NCALD: variants seen among roughly 807,000 people sequenced by gnomAD.
The protein encoded by NCALD is neurocalcin-delta.
Under a neutral mutation model 18.6 loss-of-function variants are expected in NCALD, and 10 were observed. The ratio of observed to expected loss-of-function variants is 0.54; its 90% CI spans 0.33 to 0.91. The LOEUF (loss-of-function observed/expected upper bound fraction) is 0.91. Among genes scored for constraint, NCALD ranks in the 40% least tolerant of loss-of-function variants. The pLI is 0.03. For synonymous variants in NCALD, 88 were observed against 87.4 expected (o/e 1.01, Z -0.04); for missense variants, 184 against 247.6 (o/e 0.74, Z 1.72).
intron 2 of NCALD, among the ~76,000 whole-genome samples, chr8:101,708,908 G>C (rs905516077): frequency 1.3e-5 from 2 of 152,142 alleles, no homozygotes; most frequent in South Asian, 4.1e-4. Flanking sequence ...CAAGGAGATG[G>C]GAAATAAGGA....
At chr8:101,744,479 T>C (rs763792904) in intron 1 of NCALD, among the ~76,000 whole-genome samples, 8 of 152,264 alleles carry the variant, frequency 5.3e-5, no homozygotes, top group Non-Finnish European at 7.3e-5. Context: ...TCTCCATCTC[T>C]AGCAAGACAC....
At chr8:101,779,515 T>C (rs1042546244) in intron 1 of NCALD, among the ~76,000 whole-genome samples, 4 of 152,224 alleles carry the variant, frequency 2.6e-5, no homozygotes, top group African/African-American at 9.6e-5. Flanking sequence ...AAATGTAGTA[T>C]GTGTTTAAAC....
chr8:102,120,897 T>C (rs1335335617), intron 1 of NCALD, among the ~76,000 whole-genome samples: 1 of 152,246 alleles, frequency 6.6e-6, no homozygotes, highest in African/African-American at 2.4e-5. Context: ...TTTTAACTCA[T>C]GTGCTCTATC....
intron 4 of NCALD, among the ~76,000 whole-genome samples, chr8:101,836,496 TG>T (rs531760414): frequency 7.1e-4 from 108 of 152,300 alleles, no homozygotes; most frequent in African/African-American, 2.5e-3. Context: ...CTGGGGACTC[TG>T]GGGGATCCCT....
At chr8:102,076,921 C>T (rs1400153146) in intron 1 of NCALD, among the ~76,000 whole-genome samples, 2 of 152,160 alleles carry the variant, frequency 1.3e-5, no homozygotes, top group Non-Finnish European at 1.5e-5. Flanking sequence ...GTGGCCCACC[C>T]GTGACTCACA....
chr8:101,701,025 C>T (rs1039213985), intron 2 of NCALD, among the ~76,000 whole-genome samples: 1 of 152,136 alleles, frequency 6.6e-6, no homozygotes, highest in African/African-American at 2.4e-5. Flanking sequence ...ATTTACAAAG[C>T]CAGGCCTATG....
chr8:102,038,151 A>G (rs1369091067), intron 1 of NCALD, among the ~76,000 whole-genome samples: 4 of 151,882 alleles, frequency 2.6e-5, no homozygotes, highest in African/African-American at 9.7e-5. Flanking sequence ...TTGCCTTACT[A>G]TACCAAATTG....
intron 2 of NCALD, among the ~76,000 whole-genome samples, chr8:102,004,606 G>A (rs1470385633): frequency 2.0e-5 from 3 of 152,138 alleles, no homozygotes; most frequent in Admixed American, 1.3e-4. Context: ...AGCTGGAGGT[G>A]TCACACTACC....
At chr8:101,900,226 A>T (rs1210072721) in intron 3 of NCALD, among the ~76,000 whole-genome samples, 1 of 151,834 alleles carries the variant, frequency 6.6e-6, no homozygotes, top group Non-Finnish European at 1.5e-5. Context: ...AATTCCAGAT[A>T]TTGGCAATAT....
chr8:101,711,149 A>G (rs1308856416), intron 2 of NCALD, among the ~76,000 whole-genome samples: 1 of 152,066 alleles, frequency 6.6e-6, no homozygotes, highest in Non-Finnish European at 1.5e-5. Flanking sequence ...CCCCCAGCAA[A>G]CTCCAGCAGA....
At chr8:101,940,812 A>G (rs1744406167) in intron 2 of NCALD, among the ~76,000 whole-genome samples, 1 of 152,244 alleles carries the variant, frequency 6.6e-6, no homozygotes, top group Non-Finnish European at 1.5e-5. Flanking sequence ...TTTCTAAGCT[A>G]AAGGTGCATC....
intron 3 of NCALD, among the ~76,000 whole-genome samples, chr8:101,911,222 CTTA>C (rs761516860): frequency 6.7e-5 from 10 of 148,156 alleles, no homozygotes; most frequent in Non-Finnish European, 1.2e-4. Flanking sequence ...CAGCCTAAGG[CTTA>C]TTGTGAATGA....
chr8:101,710,406 C>T (rs557941566), intron 2 of NCALD, among the ~76,000 whole-genome samples: 2 of 152,236 alleles, frequency 1.3e-5, no homozygotes, highest in African/African-American at 2.4e-5. Flanking sequence ...GGAACACCAG[C>T]GAGGCAGAGC....
chr8:102,081,983 A>G (rs1191209669), intron 1 of NCALD, among the ~76,000 whole-genome samples: 1 of 152,176 alleles, frequency 6.6e-6, no homozygotes, highest in African/African-American at 2.4e-5. Context: ...TGAAAAGAGC[A>G]GAGTTGAGTG....
At chr8:101,700,333 C>T (rs191374629) in intron 2 of NCALD, among the ~76,000 whole-genome samples, 4 of 152,300 alleles carry the variant, frequency 2.6e-5, no homozygotes, top group East Asian at 1.9e-4. Context: ...GAAATACAGG[C>T]GTGAGCCACT....
intron 4 of NCALD, chr8:101,887,085 T>G (rs1316604040): frequency 6.6e-6 from 1 of 152,166 alleles, no homozygotes; most frequent in African/African-American, 2.4e-5. Context: ...AGCTTTGCAT[T>G]TTGAATCGTA....
At chr8:101,974,423 G>C (rs1038282037) in intron 2 of NCALD, among the ~76,000 whole-genome samples, 6 of 152,104 alleles carry the variant, frequency 3.9e-5, no homozygotes, top group Middle Eastern at 3.4e-3. Context: ...CCTTCTATGT[G>C]GAAATTCTGG....
rs561580036 is a variant in NCALD, at chr8:101,935,492, G to A, written c.-156-19634C>T. On this transcript the variant is annotated intron_variant, in intron 2 of 6. Coordinates refer to the NCALD transcript ENST00000311028. ...TACAGTTTACAACAGAAAGCAAATG[G>A]TTAAAATGGTAAAGGCAAATAAAGA... Among the ~76,000 whole-genome samples the A allele has an allele frequency of 2.6e-5, 4 of 152,278 alleles. No homozygotes were observed. The East Asian group carries it at 7.7e-4, about 29-fold the overall frequency.
intron 2 of NCALD, among the ~76,000 whole-genome samples, chr8:102,005,693 C>A (rs1015000564): frequency 9.8e-4 from 149 of 152,096 alleles, no homozygotes; most frequent in Non-Finnish European, 1.7e-3. Context: ...AATACTATGC[C>A]TCCATAAAAA....
Sources: gnomAD v4.1 joint callset for allele counts (sites outside exome capture counted in the v4.1 genomes callset) on GRCh38, gnomAD v4.1.1 for gene constraint, MANE v1.5 for transcripts, NCBI Gene and HGNC (gene_info 2026-07-23, HGNC 2026-07-21) for gene names.